Variants in FABP7 observed in about 807,000 individuals in gnomAD.
The protein encoded by FABP7 is fatty acid binding protein 7, also known as fatty acid-binding protein, brain.
In FABP7, 13 loss-of-function variants were observed where a neutral mutation model predicts 14.2. That is an observed-to-expected ratio of 0.91 (90% confidence interval 0.59 to 1.45). The LOEUF (loss-of-function observed/expected upper bound fraction) is 1.45. Ranked by LOEUF, FABP7 falls within the 40% of genes most tolerant of loss-of-function variation. The pLI, the probability that FABP7 is intolerant of heterozygous loss-of-function variation, is 0.00. For missense variants in FABP7, 149 were observed against 157.6 expected (o/e 0.95, Z 0.29); for synonymous variants, 49 against 51.4 (o/e 0.95, Z 0.20).
upstream of FABP7, among the ~76,000 whole-genome samples, chr6:122,775,493 C>G (rs1176803364): frequency 1.3e-5 from 2 of 152,102 alleles, no homozygotes; most frequent in Admixed American, 6.6e-5. Context: ...CTATCTCTCA[C>G]TGTGTGTGAA....
the FABP7 span, among the ~76,000 whole-genome samples, chr6:122,771,555 A>G: frequency 3.9e-5 from 6 of 152,196 alleles, no homozygotes; most frequent in Non-Finnish European, 5.9e-5. Flanking sequence ...GACAATTACC[A>G]TGCATACTCA....
At chr6:122,776,899 T>C (rs921485726), upstream of FABP7, among the ~76,000 whole-genome samples, 3 of 152,214 alleles carry the variant, frequency 2.0e-5, no homozygotes, top group Admixed American at 6.5e-5. Context: ...TTCTGCCTAT[T>C]ACAAGATTAA....
At chr6:122,767,755 G>GAAAAA in the FABP7 span, among the ~76,000 whole-genome samples, 3 of 116,352 alleles carry the variant, frequency 2.6e-5, no homozygotes, top group Non-Finnish European at 5.1e-5. Context: ...CCACTAAAAG[G>GAAAAA]AAAAAAAAAA....
At chr6:122,753,794 C>CT in the FABP7 span, among the ~76,000 whole-genome samples, 20 of 105,236 alleles carry the variant, frequency 1.9e-4, no homozygotes, top group Middle Eastern at 9.0e-3. Context: ...GCCCCCCCCC[C>CT]GCCCACAGAA....
chr6:122,759,957 A>G, the FABP7 span, among the ~76,000 whole-genome samples: 1 of 152,074 alleles, frequency 6.6e-6, no homozygotes, highest in South Asian at 2.1e-4. Flanking sequence ...CATCTCTACT[A>G]AAAATACAAA....
At chr6:122,761,133 C>T in the FABP7 span, among the ~76,000 whole-genome samples, 1 of 152,070 alleles carries the variant, frequency 6.6e-6, no homozygotes, top group Non-Finnish European at 1.5e-5. Context: ...TTGCTTTGAA[C>T]TTGAATCGTG....
the FABP7 span, among the ~76,000 whole-genome samples, chr6:122,755,178 T>C: frequency 7.9e-5 from 12 of 152,260 alleles, no homozygotes; most frequent in African/African-American, 2.9e-4. Flanking sequence ...TGTACTTCCT[T>C]GCATATATCA....
At chr6:122,750,803 A>T in the FABP7 span, among the ~76,000 whole-genome samples, 1 of 152,212 alleles carries the variant, frequency 6.6e-6, no homozygotes, top group Non-Finnish European at 1.5e-5. Flanking sequence ...TGAAGAGAGA[A>T]AACTGAAGTC....
At chr6:122,765,382 T>A in the FABP7 span, among the ~76,000 whole-genome samples, 5 of 152,022 alleles carry the variant, frequency 3.3e-5, no homozygotes, top group Non-Finnish European at 4.4e-5. Flanking sequence ...ACATAGAGAG[T>A]TTAGATAAAG....
the FABP7 span, among the ~76,000 whole-genome samples, chr6:122,771,095 C>G: frequency 6.6e-6 from 1 of 152,302 alleles, no homozygotes; most frequent in South Asian, 2.1e-4. Flanking sequence ...GAGCAAAGCT[C>G]TCATTTCTAG....
the FABP7 span, among the ~76,000 whole-genome samples, chr6:122,756,548 C>G: frequency 6.6e-6 from 1 of 152,240 alleles, no homozygotes; most frequent in East Asian, 1.9e-4. Context: ...TATCCCATGT[C>G]CTCTGTTCTC....
At chr6:122,774,017 G>T in the FABP7 span, among the ~76,000 whole-genome samples, 1 of 152,068 alleles carries the variant, frequency 6.6e-6, no homozygotes, top group African/African-American at 2.4e-5. Context: ...CTGTAGATGC[G>T]TTTGTATGAT....
the FABP7 span, among the ~76,000 whole-genome samples, chr6:122,753,423 C>T: frequency 7.2e-6 from 1 of 138,088 alleles, no homozygotes; most frequent in Admixed American, 7.0e-5. Context: ...CGCTCACACT[C>T]AGTCTCATCA....
chr6:122,777,256 C>G (rs1037945517), upstream of FABP7, among the ~76,000 whole-genome samples: 5 of 152,090 alleles, frequency 3.3e-5, no homozygotes, highest in African/African-American at 1.2e-4. Flanking sequence ...TAATTTGTAA[C>G]AAAACAACTG....
chr6:122,750,627 G>A, the FABP7 span, among the ~76,000 whole-genome samples: 4 of 152,176 alleles, frequency 2.6e-5, no homozygotes, highest in African/African-American at 9.7e-5. Context: ...AGGGAGATAA[G>A]ACATATGTTT....
At chr6:122,777,799 C>A (rs946528942), upstream of FABP7, among the ~76,000 whole-genome samples, 1 of 150,566 alleles carries the variant, frequency 6.6e-6, no homozygotes, top group Admixed American at 6.7e-5. Flanking sequence ...GCTGAGATCG[C>A]GCCACTGCAC....
chr6:122,780,866 T>C (rs1053718814), intron 2 of FABP7, among the ~76,000 whole-genome samples: 3 of 152,232 alleles, frequency 2.0e-5, no homozygotes, highest in African/African-American at 7.2e-5. Flanking sequence ...TTTAGGATTT[T>C]TGTTTTTAAT....
At chr6:122,768,164 G>C in the FABP7 span, among the ~76,000 whole-genome samples, 2 of 152,006 alleles carry the variant, frequency 1.3e-5, no homozygotes, top group African/African-American at 4.8e-5. Flanking sequence ...GAAAAAATTA[G>C]ATGTCATTGT....
intron 2 of FABP7, among the ~76,000 whole-genome samples, chr6:122,780,687 C>T (rs1009615388): frequency 6.6e-6 from 1 of 152,158 alleles, no homozygotes; most frequent in Non-Finnish European, 1.5e-5. Context: ...TTACCATATA[C>T]TGTTCACATT....
Sources: gnomAD v4.1 joint callset for allele counts (sites outside exome capture counted in the v4.1 genomes callset) on GRCh38, gnomAD v4.1.1 for gene constraint, MANE v1.5 for transcripts, NCBI Gene and HGNC (gene_info 2026-07-23, HGNC 2026-07-21) for gene names.